The following IMMP2L variants were observed in gnomAD, a reference collection of about 807,000 sequenced individuals.
IMMP2L encodes inner mitochondrial membrane peptidase subunit 2, also known as mitochondrial inner membrane protease subunit 2.
In IMMP2L, 18 loss-of-function variants were observed where a neutral mutation model predicts 19.3. That is an observed-to-expected ratio of 0.93 (90% confidence interval 0.64 to 1.38). The LOEUF is 1.38. IMMP2L is among the 40% of genes most tolerant of loss of function. IMMP2L has a pLI of 0.00. For synonymous variants in IMMP2L, 76 were observed against 73.0 expected (o/e 1.04, Z -0.21); for missense variants, 233 against 218.2 (o/e 1.07, Z -0.43).
At chr7:110,863,826 G>T (rs773120257) in intron 5 of IMMP2L, among the ~76,000 whole-genome samples, 4 of 152,088 alleles carry the variant, frequency 2.6e-5, no homozygotes, top group African/African-American at 4.8e-5. Flanking sequence ...TTATTGGGAT[G>T]TAACTCCATC....
chr7:110,705,608 G>C (rs1228520293), intron 5 of IMMP2L, among the ~76,000 whole-genome samples: 2 of 151,980 alleles, frequency 1.3e-5, no homozygotes, highest in Non-Finnish European at 2.9e-5. Context: ...GATTCAGGTG[G>C]TACATATAAA....
chr7:111,157,947 T>C (rs1001177469), intron 3 of IMMP2L, among the ~76,000 whole-genome samples: 4 of 152,032 alleles, frequency 2.6e-5, no homozygotes, highest in East Asian at 1.9e-4. Context: ...CTGGATATTA[T>C]TGGTGATTAC....
intron 4 of IMMP2L, among the ~76,000 whole-genome samples, chr7:110,936,017 C>G (rs923468536): frequency 2.0e-5 from 3 of 152,076 alleles, no homozygotes; most frequent in Admixed American, 6.6e-5. Context: ...TGAAACTGGA[C>G]CCCTTCCTTA....
In IMMP2L at chr7:111,096,224, G is replaced by A. The variant is rs193060291; in HGVS notation, c.240-132659C>T. On this transcript the variant is annotated intron_variant, in intron 3 of 5. Transcript: ENST00000405709. ...GATGATGATTAACATCTTTAAGACA[G>A]GAGAATGAGGTTCTGTGAGGTTAGA... is the stretch of plus-strand genomic sequence containing the variant. Among the ~76,000 whole-genome samples the A allele has an allele frequency of 1.5e-3, 226 of 151,992 alleles. 2 individuals are homozygous for A. The highest frequency in any genetic ancestry group is 5.2e-3 in the African/African-American group (214 of 41,510).
chr7:110,873,511 C>T (rs1451878050), intron 5 of IMMP2L, among the ~76,000 whole-genome samples: 1 of 147,928 alleles, frequency 6.8e-6, no homozygotes, highest in African/African-American at 2.5e-5. Flanking sequence ...CGCCTTTAAT[C>T]CCAGCATTTT....
intron 3 of IMMP2L, among the ~76,000 whole-genome samples, chr7:111,156,937 G>A (rs746007409): frequency 1.3e-5 from 2 of 151,878 alleles, no homozygotes; most frequent in African/African-American, 2.4e-5. Context: ...ATGAGAAGAC[G>A]TGATTTTCAA....
At chr7:111,552,310 CAG>C (rs1044615191) in intron 1 of IMMP2L, among the ~76,000 whole-genome samples, 1 of 152,098 alleles carries the variant, frequency 6.6e-6, no homozygotes, top group African/African-American at 2.4e-5. Context: ...TGTTTTGAGA[CAG>C]AGTCTCACTC....
chr7:111,552,115 T>C (rs1790736834), intron 1 of IMMP2L, among the ~76,000 whole-genome samples: 1 of 152,102 alleles, frequency 6.6e-6, no homozygotes, highest in Non-Finnish European at 1.5e-5. Flanking sequence ...AAGGCTATTT[T>C]GTTCTAGCTG....
intron 5 of IMMP2L, among the ~76,000 whole-genome samples, chr7:110,771,230 C>T (rs939214522): frequency 2.6e-5 from 4 of 151,984 alleles, no homozygotes; most frequent in Non-Finnish European, 2.9e-5. Context: ...CTGGTTTGGA[C>T]GAGAATCTCA....
At chr7:111,367,261 T>C (rs2131057857) in intron 3 of IMMP2L, among the ~76,000 whole-genome samples, 1 of 151,930 alleles carries the variant, frequency 6.6e-6, no homozygotes, top group African/African-American at 2.4e-5. Flanking sequence ...GTTCTGTAAA[T>C]TGTTTTAATA....
At chr7:110,741,573 T>C (rs1479136368) in intron 5 of IMMP2L, among the ~76,000 whole-genome samples, 1 of 152,214 alleles carries the variant, frequency 6.6e-6, no homozygotes, top group Admixed American at 6.5e-5. Flanking sequence ...AGACACTGAA[T>C]CTGTTGGTGC....
At chr7:111,086,761 G>A (rs1002039754) in intron 3 of IMMP2L, among the ~76,000 whole-genome samples, 4 of 152,104 alleles carry the variant, frequency 2.6e-5, no homozygotes, top group Non-Finnish European at 5.9e-5. Flanking sequence ...TGAGCATATC[G>A]ACTCATTTTT....
At chr7:110,955,719 T>C (rs962768098) in intron 4 of IMMP2L, among the ~76,000 whole-genome samples, 3 of 151,950 alleles carry the variant, frequency 2.0e-5, no homozygotes, top group Admixed American at 2.0e-4. Context: ...ATAAAACTCT[T>C]AGCTGCCATG....
intron 5 of IMMP2L, among the ~76,000 whole-genome samples, chr7:110,816,789 C>A (rs905808749): frequency 6.6e-6 from 1 of 151,098 alleles, no homozygotes; most frequent in African/African-American, 2.4e-5. Flanking sequence ...GGATTGCAAC[C>A]CCTGCCTTTT....
At chr7:111,481,854 G>A (rs1431383497) in intron 3 of IMMP2L, among the ~76,000 whole-genome samples, 1 of 152,174 alleles carries the variant, frequency 6.6e-6, no homozygotes, top group Non-Finnish European at 1.5e-5. Context: ...GAAATAAAAT[G>A]TATGTCACAT....
chr7:110,664,677 T>A (rs1465383737), intron 5 of IMMP2L: 1 of 152,200 alleles, frequency 6.6e-6, no homozygotes, highest in Non-Finnish European at 1.5e-5. Flanking sequence ...GGCCTGGAAA[T>A]CTGTGTTTTT....
At position 111,384,884 on chromosome 7, in the gene IMMP2L, T is replaced by G. The variant is rs546418528; in HGVS notation, c.239+102354A>C. 2.7e-5 allele frequency among the ~76,000 whole-genome samples: 4 copies of G among 148,264 alleles called. No individual in the cohort carries two copies. The South Asian group carries it at 8.5e-4, about 31-fold the overall frequency. On this transcript the variant is annotated intron_variant, in intron 3 of 5. Transcript: ENST00000405709. ...TGTACTAAATTTAGAATTTCTAACT[T>G]GATTAATAATGACAAAACACCTTAT... is the stretch of plus-strand genomic sequence containing the variant.
At chr7:111,041,271 A>C (rs2129570934) in intron 3 of IMMP2L, among the ~76,000 whole-genome samples, 1 of 152,290 alleles carries the variant, frequency 6.6e-6, no homozygotes, top group South Asian at 2.1e-4. Flanking sequence ...CTAAAGAATA[A>C]GTTTACAGAA....
intron 3 of IMMP2L, among the ~76,000 whole-genome samples, chr7:111,212,869 G>A (rs1488616852): frequency 6.6e-6 from 1 of 152,166 alleles, no homozygotes; most frequent in Non-Finnish European, 1.5e-5. Flanking sequence ...CTCCTGCTCT[G>A]TCCTTGTGTG....
Sources: allele counts gnomAD v4.1 joint callset (sites outside exome capture counted in the v4.1 genomes callset), GRCh38; gene constraint gnomAD v4.1.1; transcripts MANE v1.5; gene names NCBI Gene and HGNC (gene_info 2026-07-23, HGNC 2026-07-21).